Variants in ESR1 observed in about 807,000 individuals in gnomAD.
The protein encoded by ESR1 is estrogen receptor 1.
A neutral mutation model predicts 52.7 loss-of-function variants in ESR1; 12 were observed. The ratio of observed to expected loss-of-function variants is 0.23; its 90% CI spans 0.15 to 0.37. The LOEUF (loss-of-function observed/expected upper bound fraction) is 0.37, where lower values mean the gene tolerates loss of function less well. ESR1 is among the 10% of genes least tolerant of loss of function. The probability of loss-of-function intolerance (pLI) is 1.00; values close to 1 mark genes in which losing one functional copy is unlikely to be tolerated. For missense variants in ESR1, 584 were observed against 779.7 expected (o/e 0.75, Z 2.99); for synonymous variants, 305 against 316.8 (o/e 0.96, Z 0.39).
chr6:152,011,581 TC>T, intron 4 of ESR1, 74 bp from the exon 5 acceptor site: 1 of 1,557,876 alleles, frequency 6.4e-7, no homozygotes, highest in Non-Finnish European at 8.8e-7. Flanking sequence ...TCAGTTCAAA[TC>T]CCTGTTGCAT....
chr6:151,980,027 A>G (rs554647197), intron 4 of ESR1, among the ~76,000 whole-genome samples: 106 of 152,296 alleles, frequency 7.0e-4, no homozygotes, highest in African/African-American at 2.1e-3. Flanking sequence ...AAATGACAAG[A>G]CATTTCGTTA....
At chr6:151,664,286 A>T (rs1777741904) in intron 1 of ESR1, among the ~76,000 whole-genome samples, 1 of 152,248 alleles carries the variant, frequency 6.6e-6, no homozygotes, top group Non-Finnish European at 1.5e-5. Flanking sequence ...CTTCTGTAAA[A>T]GCAGATAAAC....
At chr6:152,035,640 T>C (rs1218903193) in intron 5 of ESR1, among the ~76,000 whole-genome samples, 5 of 152,136 alleles carry the variant, frequency 3.3e-5, no homozygotes, top group African/African-American at 9.6e-5. Context: ...AGAGATGGGG[T>C]AAAAAACTAT....
chr6:151,907,680 C>CTT (rs1214019495), intron 3 of ESR1, among the ~76,000 whole-genome samples: 26 of 152,120 alleles, frequency 1.7e-4, no homozygotes, highest in Admixed American at 1.7e-3. Context: ...TTGTTTCTAA[C>CTT]TTCACAGTTT....
At chr6:151,991,055 T>C (rs2040965552) in intron 4 of ESR1, among the ~76,000 whole-genome samples, 1 of 152,210 alleles carries the variant, frequency 6.6e-6, no homozygotes, top group Non-Finnish European at 1.5e-5. Flanking sequence ...ACTTCTTTAG[T>C]GCACTAAATT....
intron 1 of ESR1, among the ~76,000 whole-genome samples, chr6:151,658,113 A>G (rs851969): frequency 0.2 from 30,495 of 152,168 alleles, 3,760 homozygotes; most frequent in Non-Finnish European, 0.27. Flanking sequence ...ACTTCTAAGC[A>G]ATTCTCCCAT....
chr6:151,907,889 A>G (rs192975042), intron 3 of ESR1, among the ~76,000 whole-genome samples: 22 of 152,306 alleles, frequency 1.4e-4, no homozygotes, highest in African/African-American at 2.4e-4. Context: ...ATATATAGAA[A>G]TGTGTTTATT....
At chr6:151,781,381 A>G (rs1386237212) in intron 2 of ESR1, among the ~76,000 whole-genome samples, 1 of 152,264 alleles carries the variant, frequency 6.6e-6, no homozygotes, top group African/African-American at 2.4e-5. Context: ...CTATTATGGC[A>G]TGAATCCCAT....
At chr6:152,062,363 A>G (rs1211517500) in intron 6 of ESR1, among the ~76,000 whole-genome samples, 1 of 152,092 alleles carries the variant, frequency 6.6e-6, no homozygotes, top group Non-Finnish European at 1.5e-5. Flanking sequence ...CCCCACCACC[A>G]CTAGTAACCT....
At chr6:152,105,306 T>TG (rs553863584), downstream of ESR1, among the ~76,000 whole-genome samples, 33 of 152,278 alleles carry the variant, frequency 2.2e-4, no homozygotes, top group South Asian at 6.8e-3. Flanking sequence ...GTGTCTGAGA[T>TG]GGGGGGCAGT....
chr6:151,731,787 C>T (rs1782264929), intron 2 of ESR1, among the ~76,000 whole-genome samples: 1 of 152,124 alleles, frequency 6.6e-6, no homozygotes, highest in South Asian at 2.1e-4. Flanking sequence ...AAGGTGTTTA[C>T]ATTACTACTT....
chr6:152,110,011 T>A (rs1041901753), intron 6 of ESR1, among the ~76,000 whole-genome samples: 1 of 152,150 alleles, frequency 6.6e-6, no homozygotes, highest in African/African-American at 2.4e-5. Flanking sequence ...ACGTACCAGT[T>A]TTACACCACT....
upstream of ESR1, among the ~76,000 whole-genome samples, chr6:151,689,917 TAAAC>T (rs900499449): frequency 1.8e-4 from 27 of 152,252 alleles, no homozygotes; most frequent in African/African-American, 6.5e-4. Flanking sequence ...ATCTTAGTGT[TAAAC>T]AAACAATCAA....
At chr6:151,948,317 A>G (rs1012974137) in intron 4 of ESR1, among the ~76,000 whole-genome samples, 1 of 152,166 alleles carries the variant, frequency 6.6e-6, no homozygotes, top group African/African-American at 2.4e-5. Flanking sequence ...CTCGAAAGCA[A>G]TTTTATACTT....
rs145865755 is a variant in ESR1, at chr6:151,778,182, A to C, written c.-70-29661A>C. Among the ~76,000 whole-genome samples the C allele has an allele frequency of 1.4e-4, 22 of 152,228 alleles. No individual in the cohort carries two copies. The East Asian group carries it at 4.3e-3, about 29-fold the overall frequency. On this transcript the variant is annotated intron_variant, in intron 2 of 2. Transcript: ENST00000404742. Reference sequence around the variant, plus strand: ...AATGTTGTATGATTTCACTTATATAAACTACCTAGAATAGGCAAATTCACA... The same window carrying C: ...AATGTTGTATGATTTCACTTATATACACTACCTAGAATAGGCAAATTCACA...
chr6:151,808,841 C>T (rs1778316011), intron 1 of ESR1, among the ~76,000 whole-genome samples: 1 of 152,090 alleles, frequency 6.6e-6, no homozygotes, highest in African/African-American at 2.4e-5. Flanking sequence ...AATGTGCTCC[C>T]CAAATTTCCT....
At chr6:151,778,823 T>C (rs1463341176) in intron 2 of ESR1, among the ~76,000 whole-genome samples, 4 of 152,248 alleles carry the variant, frequency 2.6e-5, no homozygotes, top group African/African-American at 7.2e-5. Context: ...TTAAAAAAGA[T>C]ACTTTTTTTG....
chr6:152,016,546 ACAGCC>A (rs1284605399), intron 5 of ESR1, among the ~76,000 whole-genome samples: 6 of 152,156 alleles, frequency 3.9e-5, no homozygotes. Context: ...ATTGTGACCA[ACAGCC>A]CATCTGAGAT....
chr6:151,795,888 G>A (rs1274994882), intron 2 of ESR1, among the ~76,000 whole-genome samples: 5 of 152,000 alleles, frequency 3.3e-5, no homozygotes, highest in African/African-American at 4.8e-5. Flanking sequence ...GGTGGCTCAC[G>A]CCTGTAATCC....
Sources: gnomAD v4.1 joint callset for allele counts (sites outside exome capture counted in the v4.1 genomes callset) on GRCh38, gnomAD v4.1.1 for gene constraint, MANE v1.5 for transcripts, NCBI Gene and HGNC (gene_info 2026-07-23, HGNC 2026-07-21) for gene names.